Variants in SNX27 observed in about 807,000 individuals in gnomAD.
SNX27 encodes the protein sorting nexin-27.
A neutral mutation model predicts 71.6 loss-of-function variants in SNX27; 22 were observed. That is an observed-to-expected ratio of 0.31 (90% confidence interval 0.22 to 0.44). SNX27 has a LOEUF of 0.44. Ranked by LOEUF, SNX27 falls within the 20% of genes least tolerant of loss-of-function variation. SNX27 has a pLI of 1.00. For missense variants in SNX27, 531 were observed against 698.6 expected (o/e 0.76, Z 2.70); for synonymous variants, 269 against 277.2 (o/e 0.97, Z 0.29).
chr1:151,637,603 A>G (rs753033151), intron 1 of SNX27, among the ~76,000 whole-genome samples: 2 of 152,150 alleles, frequency 1.3e-5, no homozygotes, highest in Non-Finnish European at 2.9e-5. Context: ...TTTTTTGTAT[A>G]TAAGTTAGAC....
chr1:151,662,197 G>T lies in SNX27; in HGVS notation c.833G>T (p.Arg278Ile). Residue 278 changes from arginine to isoleucine, a missense_variant, in exon 5 of 12, where the codon AGA (arginine) becomes ATA (isoleucine). Coordinates refer to ENST00000458013, the MANE Select transcript of SNX27 (RefSeq NM_001330723.2). ...AATGGTGTGTCCGACGTAGAGCTGA[G>T]AGTAGCATTACCAGATGGAACAACG... ...NYNGVSDVEL[R>I]VALPDGTTVT... is the part of the protein sequence containing the mutation. 6.2e-7 allele frequency: 1 copy of T among 1,613,680 alleles called. No homozygotes were observed. The highest frequency in any genetic ancestry group is 1.1e-5 in the South Asian group (1 of 91,056).
chr1:151,666,635 T>C (rs1670200872), intron 6 of SNX27: 1 of 152,212 alleles, frequency 6.6e-6, no homozygotes. Context: ...TTCCATGTCA[T>C]ATATATTTAT....
At chr1:151,663,808 G>C (rs1670068365) in intron 5 of SNX27, among the ~76,000 whole-genome samples, 1 of 152,084 alleles carries the variant, frequency 6.6e-6, no homozygotes, top group African/African-American at 2.4e-5. Flanking sequence ...GGTGAAATCT[G>C]ATGTTTTCTT....
chr1:151,650,968 C>G (rs1388611529), intron 2 of SNX27, among the ~76,000 whole-genome samples: 2 of 152,234 alleles, frequency 1.3e-5, no homozygotes, highest in Non-Finnish European at 2.9e-5. Context: ...TTTCTTAGTA[C>G]AGAACCAAAT....
chr1:151,661,109 C>T, intron 4 of SNX27: 1 of 414,530 alleles, frequency 2.4e-6, no homozygotes. Context: ...TTTCATTCCA[C>T]CAAAAACTTT....
At chr1:151,667,551 C>T (rs953644875) in intron 6 of SNX27, among the ~76,000 whole-genome samples, 2 of 151,702 alleles carry the variant, frequency 1.3e-5, no homozygotes, top group African/African-American at 4.8e-5. Context: ...GTGGGCCGGG[C>T]GCGGTGGCTC....
chr1:151,633,463 A>AT (rs1249532280), intron 1 of SNX27, among the ~76,000 whole-genome samples: 13 of 151,192 alleles, frequency 8.6e-5, no homozygotes, highest in African/African-American at 3.2e-4. Context: ...TGCCCAGCTA[A>AT]TTTTTTGTAT....
chr1:151,628,045 C>T (rs1016159627), intron 1 of SNX27, among the ~76,000 whole-genome samples: 30 of 144,196 alleles, frequency 2.1e-4, no homozygotes, highest in African/African-American at 4.4e-4. Context: ...TTCACTCTGT[C>T]GCCCAGGCTG....
intron 1 of SNX27, among the ~76,000 whole-genome samples, chr1:151,637,729 A>G (rs927383765): frequency 2.0e-5 from 3 of 152,168 alleles, no homozygotes; most frequent in Non-Finnish European, 4.4e-5. Flanking sequence ...ATATAAATGG[A>G]TATTTCAGAT....
chr1:151,638,318 T>C (rs1668563423), intron 1 of SNX27, among the ~76,000 whole-genome samples: 1 of 152,192 alleles, frequency 6.6e-6, no homozygotes, highest in South Asian at 2.1e-4. Context: ...GTAATGAAAC[T>C]TGGCATAAAG....
intron 8 of SNX27, among the ~76,000 whole-genome samples, chr1:151,688,554 C>T (rs1384074324): frequency 1.3e-5 from 2 of 151,570 alleles, no homozygotes; most frequent in Non-Finnish European, 2.9e-5. Flanking sequence ...ATTGCTTGAA[C>T]CCGGGAGGCG....
intron 1 of SNX27, among the ~76,000 whole-genome samples, chr1:151,619,386 GT>G (rs1044437460): frequency 9.9e-5 from 15 of 152,098 alleles, no homozygotes; most frequent in African/African-American, 3.6e-4. Context: ...AGTAAATACA[GT>G]TTTTTTGGTT....
intron 1 of SNX27, among the ~76,000 whole-genome samples, chr1:151,621,856 G>A (rs1177273833): frequency 6.6e-6 from 1 of 152,198 alleles, no homozygotes; most frequent in Non-Finnish European, 1.5e-5. Context: ...TTGCTGATCA[G>A]TTTAATCATC....
rs2102742842 is a variant in SNX27 at position 151,692,502 on chromosome 1, C to A, written c.1307C>A (p.Ser436Tyr). 1.3e-6 allele frequency: 2 copies of A among 1,578,744 alleles called. No homozygotes were observed. The highest frequency in any genetic ancestry group is 1.7e-6 in the Non-Finnish European group (2 of 1,159,596). Residue 436 changes from serine (S) to tyrosine (Y), a missense_variant, in exon 9 of 12, where the codon TCC becomes TAC. Ser to Tyr is a moderately radical substitution (Grantham distance 144, BLOSUM62 -2). Around this residue, in one of 5 missense-constraint regions of SNX27, gnomAD observed 157 missense variants for 178.4 expected, o/e 0.88. Transcript: ENST00000458013. ...EIIFPHCACD[S>Y]RRKGHVITAI... ...ATCTTTCCCCACTGTGCCTGTGACT[C>A]CAGGAGGAAGGGGCACGTTATCACA...
intron 8 of SNX27, among the ~76,000 whole-genome samples, chr1:151,691,271 G>A (rs1167573107): frequency 1.3e-5 from 2 of 151,794 alleles, no homozygotes; most frequent in African/African-American, 4.8e-5. Context: ...GACAGAGCCA[G>A]ACTCTGTCTC....
chr1:151,694,663 C>T lies in SNX27; in HGVS notation c.*246C>T. On this transcript the variant is annotated 3_prime_UTR_variant, in exon 12 of 12. Transcript: ENST00000458013. ...AGTTAAGGCAGGAAAAGAAATAAGC[C>T]CAACCAACTTGCCAAAGGTATCTTT... The T allele has an allele frequency of 2.4e-6, 1 of 420,420 alleles. No homozygotes were observed. Among genetic ancestry groups the T allele is most frequent in the Non-Finnish European group, 4.2e-6 (1 of 237,772 alleles). 26.0% of individuals were successfully genotyped at this position (420,420 alleles called of 1,614,324 possible).
In SNX27 at chr1:151,689,116, C is replaced by T. The variant is rs12031726; in HGVS notation, c.1240-3319C>T. On this transcript the variant is annotated intron_variant, in intron 8 of 11. Transcript: ENST00000458013. ...AATTAGTCTTTTGATTCAGAGGGGA[C>T]GGACAGGGCATGTATTATGTGCCTG... Among the ~76,000 whole-genome samples, 586 of 152,214 alleles carry T rather than the reference C, an allele frequency of 3.8e-3. 13 individuals are homozygous for T. The East Asian group carries it at 0.072, about 19-fold the overall frequency.
intron 8 of SNX27, chr1:151,685,421 C>G (rs1480734702): frequency 6.6e-6 from 1 of 152,144 alleles, no homozygotes; most frequent in African/African-American, 2.4e-5. Flanking sequence ...GTGGCTCACA[C>G]CTGTAATCAC....
intron 2 of SNX27, among the ~76,000 whole-genome samples, chr1:151,641,627 A>ATATATATATATATATC (rs1254918416): frequency 1.7e-5 from 2 of 120,966 alleles, no homozygotes; most frequent in Admixed American, 1.9e-4. Context: ...ATATATATAT[A>ATATATATATATATATC]TATCATATGT....
Sources: allele counts gnomAD v4.1 joint callset (sites outside exome capture counted in the v4.1 genomes callset), GRCh38; gene constraint gnomAD v4.1.1; regional missense constraint gnomAD v4.1.1; transcripts MANE v1.5; gene names NCBI Gene and HGNC (gene_info 2026-07-23, HGNC 2026-07-21).